LUZP2: variants seen among roughly 807,000 people sequenced by gnomAD.
The protein encoded by LUZP2 is leucine zipper protein 2.
In LUZP2, 52 loss-of-function variants were observed where a neutral mutation model predicts 51.6. That is an observed-to-expected ratio of 1.01 (90% CI 0.81 to 1.27). The LOEUF is 1.27. Ranked by LOEUF, LUZP2 falls within the 50% of genes most tolerant of loss-of-function variation. The pLI is 0.00. For missense variants in LUZP2, 436 were observed against 395.4 expected (o/e 1.10, Z -0.87); for synonymous variants, 154 against 137.3 (o/e 1.12, Z -0.85).
chr11:24,632,716 C>T (rs1187631954), intron 1 of LUZP2, among the ~76,000 whole-genome samples: 3 of 151,990 alleles, frequency 2.0e-5, no homozygotes, highest in African/African-American at 7.2e-5. Context: ...TAAACAATTA[C>T]AGTGGACTGA....
intron 1 of LUZP2, among the ~76,000 whole-genome samples, chr11:24,695,820 G>A (rs1156789459): frequency 6.6e-6 from 1 of 151,860 alleles, no homozygotes. Context: ...CAGGTTCAGA[G>A]GAGAGCCAAA....
intron 1 of LUZP2, among the ~76,000 whole-genome samples, chr11:24,602,902 G>A (rs1028594459): frequency 8.6e-5 from 13 of 151,638 alleles, no homozygotes; most frequent in African/African-American, 2.2e-4. Flanking sequence ...CACAAAGAAC[G>A]AAAATTACTA....
intron 1 of LUZP2, among the ~76,000 whole-genome samples, chr11:24,574,276 C>T (rs1852560387): frequency 1.3e-5 from 1 of 75,036 alleles, no homozygotes; most frequent in Non-Finnish European, 2.5e-5. Context: ...TTCTTTCTTT[C>T]TTTCTTTCTT....
chr11:24,819,162 G>A (rs2134153609), intron 5 of LUZP2, among the ~76,000 whole-genome samples: 1 of 152,154 alleles, frequency 6.6e-6, no homozygotes, highest in East Asian at 1.9e-4. Flanking sequence ...CAAATATAAT[G>A]GGAAGTGAAA....
chr11:25,049,062 G>A (rs533016192), intron 9 of LUZP2, among the ~76,000 whole-genome samples: 142 of 152,170 alleles, frequency 9.3e-4, no homozygotes, highest in Non-Finnish European at 1.9e-3. Flanking sequence ...GCTAAAGAAC[G>A]TACTTGCCTG....
intron 1 of LUZP2, among the ~76,000 whole-genome samples, chr11:24,561,853 A>G (rs1236979032): frequency 6.6e-6 from 1 of 151,968 alleles, no homozygotes; most frequent in Non-Finnish European, 1.5e-5. Flanking sequence ...GAATTATGCT[A>G]AGGAAAGCAC....
intron 1 of LUZP2, among the ~76,000 whole-genome samples, chr11:24,638,712 G>C (rs571929127): frequency 6.6e-6 from 1 of 151,190 alleles, no homozygotes; most frequent in East Asian, 1.9e-4. Context: ...GAGATATAAA[G>C]TAGAAATAAT....
chr11:24,977,021 A>G (rs952324768), intron 8 of LUZP2, among the ~76,000 whole-genome samples: 1 of 151,844 alleles, frequency 6.6e-6, no homozygotes, highest in Non-Finnish European at 1.5e-5. Context: ...AGCAAAAGGA[A>G]GTAATTATTG....
intron 10 of LUZP2, among the ~76,000 whole-genome samples, chr11:25,069,119 T>C (rs1487134590): frequency 6.6e-6 from 1 of 152,018 alleles, no homozygotes; most frequent in Non-Finnish European, 1.5e-5. Context: ...TTTTTTGGTT[T>C]TGTCACAAAC....
chr11:24,824,366 CAAAAAAAAA>C lies in LUZP2; in HGVS notation c.396+61077_396+61085del, dbSNP rs3078050. 2.8e-3 allele frequency among the ~76,000 whole-genome samples: 76 copies of C among 27,582 alleles called. 1 individual carries two copies. The highest frequency in any genetic ancestry group is 4.9e-3 in the Non-Finnish European group (69 of 14,172). 18.1% of individuals were successfully genotyped at this position (27,582 alleles called of 152,430 possible). ...GAGCAAGAAGAGCAAAACCCCATCT[CAAAAAAAAA>C]AAAAAAAAAAAAAAAAAATGAGTGG... On this transcript the variant is annotated intron_variant, in intron 5 of 11. Coordinates refer to ENST00000336930, the MANE Select transcript of LUZP2 (RefSeq NM_001009909.4).
intron 5 of LUZP2, among the ~76,000 whole-genome samples, chr11:24,789,500 C>T (rs1849345728): frequency 6.6e-6 from 1 of 152,150 alleles, no homozygotes; most frequent in African/African-American, 2.4e-5. Flanking sequence ...ATTGCTTCAT[C>T]TGTTTCCTGA....
chr11:24,713,175 C>T (rs180750440), intron 1 of LUZP2, among the ~76,000 whole-genome samples: 1 of 152,110 alleles, frequency 6.6e-6, no homozygotes, highest in African/African-American at 2.4e-5. Context: ...TGTGTCTGAA[C>T]AAGAGTGACT....
chr11:24,917,546 T>C (rs984997310), intron 7 of LUZP2, among the ~76,000 whole-genome samples: 1 of 152,182 alleles, frequency 6.6e-6, no homozygotes, highest in African/African-American at 2.4e-5. Context: ...TTTAGCTTTC[T>C]ACATATGGCT....
At chr11:24,787,132 T>C (rs1363911307) in intron 5 of LUZP2, among the ~76,000 whole-genome samples, 1 of 152,154 alleles carries the variant, frequency 6.6e-6, no homozygotes, top group African/African-American at 2.4e-5. Flanking sequence ...TACGTTTGGG[T>C]ACCCTTCTGA....
intron 1 of LUZP2, among the ~76,000 whole-genome samples, chr11:24,583,450 C>G (rs1352568129): frequency 2.0e-5 from 3 of 152,062 alleles, no homozygotes; most frequent in Admixed American, 2.0e-4. Flanking sequence ...ACTGGGAGGT[C>G]GCTGGGTTGT....
At chr11:24,920,047 G>T (rs1265256008) in intron 7 of LUZP2, among the ~76,000 whole-genome samples, 2 of 151,642 alleles carry the variant, frequency 1.3e-5, no homozygotes, top group Admixed American at 6.6e-5. Context: ...TTTTATTATT[G>T]GATGGTTTAA....
At chr11:24,784,595 A>G (rs1222785238) in intron 5 of LUZP2, among the ~76,000 whole-genome samples, 2 of 151,874 alleles carry the variant, frequency 1.3e-5, no homozygotes, top group African/African-American at 4.8e-5. Flanking sequence ...TTTTGTTTTC[A>G]TTTTTGTTTG....
intron 10 of LUZP2, among the ~76,000 whole-genome samples, chr11:25,073,751 C>A (rs1445549936): frequency 6.6e-6 from 1 of 151,924 alleles, no homozygotes; most frequent in African/African-American, 2.4e-5. Context: ...ACTGTTGATT[C>A]TGTGACATAA....
chr11:24,971,327 C>T (rs935728236), intron 7 of LUZP2, among the ~76,000 whole-genome samples: 2 of 152,140 alleles, frequency 1.3e-5, no homozygotes, highest in African/African-American at 4.8e-5. Context: ...CAATAGGGTT[C>T]ATGCCCCTAT....
Sources: allele counts gnomAD v4.1 joint callset (sites outside exome capture counted in the v4.1 genomes callset), GRCh38; gene constraint gnomAD v4.1.1; transcripts MANE v1.5; gene names NCBI Gene and HGNC (gene_info 2026-07-23, HGNC 2026-07-21).